DYNC2H1: variants seen among roughly 807,000 people sequenced by gnomAD.
DYNC2H1 encodes the protein cytoplasmic dynein 2 heavy chain 1.
Under a neutral mutation model 570.0 loss-of-function variants are expected in DYNC2H1, and 410 were observed. The observed-to-expected ratio is 0.72, with a 90% CI of 0.66 to 0.78. The LOEUF is 0.78. Among genes scored for constraint, DYNC2H1 ranks in the 30% least tolerant of loss-of-function variants. The pLI, the probability that DYNC2H1 is intolerant of heterozygous loss-of-function variation, is 0.00. For synonymous variants in DYNC2H1, 1,688 were observed against 1,677.6 expected (o/e 1.01, Z -0.15); for missense variants, 4,865 against 5,046.4 (o/e 0.96, Z 1.09).
At position 103,168,938 on chromosome 11, in the gene DYNC2H1, T is replaced by G; in HGVS notation, c.4946T>G (p.Phe1649Cys). The G allele has an allele frequency of 6.2e-7, 1 of 1,611,510 alleles. No individual in the cohort carries two copies. Residue 1649 changes from phenylalanine (F) to cysteine (C), a missense_variant, in exon 32 of 89, where the codon TTT (phenylalanine) becomes TGT (cysteine). Transcript: ENST00000375735. ...TGTGTTCAAATGGTGGATTCTGAAT[T>G]TCAGTATACTTATGAATATCAGGTA... ...TCCVQMVDSEFQYTYEYQGNA... is the reference protein window; with the variant it reads ...TCCVQMVDSECQYTYEYQGNA...
At chr11:103,463,401 T>C (rs570707510) in intron 87 of DYNC2H1, among the ~76,000 whole-genome samples, 21 of 152,280 alleles carry the variant, frequency 1.4e-4, no homozygotes, top group African/African-American at 4.3e-4. Flanking sequence ...TTGTTGCTGG[T>C]CGAATCCAGT....
At chr11:103,366,623 A>C (rs1355946361) in intron 83 of DYNC2H1, among the ~76,000 whole-genome samples, 1 of 152,152 alleles carries the variant, frequency 6.6e-6, no homozygotes, top group Non-Finnish European at 1.5e-5. Flanking sequence ...TGCTTTGTTT[A>C]AAATTCCAGA....
At chr11:103,301,377 CTT>C (rs1332041980) in intron 75 of DYNC2H1, among the ~76,000 whole-genome samples, 13 of 151,872 alleles carry the variant, frequency 8.6e-5, no homozygotes, top group Middle Eastern at 3.2e-3. Context: ...ATTTTTAAGA[CTT>C]TTGATACACT....
chr11:103,355,637 G>T (rs957204612), intron 82 of DYNC2H1, among the ~76,000 whole-genome samples: 1 of 152,070 alleles, frequency 6.6e-6, no homozygotes, highest in Non-Finnish European at 1.5e-5. Flanking sequence ...GTCTCTCACT[G>T]GTCTTTGAAA....
intron 70 of DYNC2H1, among the ~76,000 whole-genome samples, chr11:103,272,172 C>A (rs1865733854): frequency 6.6e-6 from 1 of 152,148 alleles, no homozygotes; most frequent in Non-Finnish European, 1.5e-5. Context: ...TGGAACCAAC[C>A]CAAATGTCCA....
chr11:103,463,591 A>G (rs192298377), intron 87 of DYNC2H1, among the ~76,000 whole-genome samples: 48 of 152,194 alleles, frequency 3.2e-4, no homozygotes, highest in Non-Finnish European at 6.0e-4. Context: ...TTCTACTACA[A>G]ATACAAAAAA....
chr11:103,155,424 A>G lies in DYNC2H1; in HGVS notation c.3667A>G (p.Thr1223Ala), dbSNP rs749561490. The change falls in exon 25 of 89, where the codon ACT becomes GCT. Residue 1223 changes from threonine to alanine, a missense_variant. Physicochemically the swap from Thr to Ala is moderately conservative, Grantham distance 58 (BLOSUM62 0). Coordinates refer to ENST00000375735, the MANE Select transcript of DYNC2H1 (RefSeq NM_001377.3). ...TCGTCTCCTTGGACTTCCTAGGGGG[A>G]CTAGTCTAGAGAAACTACTGTTTGG... The part of the protein sequence containing the change: ...LFRLLGLPRG[T>A]SLEKLLFGDL... The G allele has an allele frequency of 1.2e-6, 2 of 1,611,506 alleles. No individual in the cohort carries two copies. Among genetic ancestry groups the G allele is most frequent in the African/African-American group, 1.3e-5 (1 of 74,586 alleles).
intron 82 of DYNC2H1, among the ~76,000 whole-genome samples, chr11:103,349,037 T>C (rs1210325470): frequency 1.3e-5 from 2 of 152,178 alleles, no homozygotes; most frequent in African/African-American, 4.8e-5. Flanking sequence ...GTCAGTTAAA[T>C]CTCTTTCGTT....
chr11:103,184,932 G>C lies in DYNC2H1; in HGVS notation c.6514G>C (p.Val2172Leu), dbSNP rs1862006382. The C allele has an allele frequency of 6.2e-7, 1 of 1,611,102 alleles. No homozygotes were observed. ...GGTAGAAACAAGTTTGGTTGGGACT[G>C]TGATGAATGGTTTGTCACATCTACA... ...YVVETSLVGTVMNGLSHLHGC... is the reference protein window; with the variant it reads ...YVVETSLVGTLMNGLSHLHGC... The change falls in exon 41 of 89, where the codon GTG (valine) becomes CTG (leucine). Residue 2172 changes from valine (V) to leucine (L), a missense_variant. Physicochemically the swap from Val to Leu is conservative, Grantham distance 32 (BLOSUM62 1). Transcript: ENST00000375735.
intron 61 of DYNC2H1, among the ~76,000 whole-genome samples, chr11:103,235,407 A>C (rs900130288): frequency 6.6e-6 from 1 of 151,936 alleles, no homozygotes; most frequent in African/African-American, 2.4e-5. Context: ...GATTGGGATG[A>C]AAATTCTGCT....
At chr11:103,213,627 TA>T (rs11332000) in intron 54 of DYNC2H1, among the ~76,000 whole-genome samples, 130,632 of 150,002 alleles carry the variant, frequency 0.87, 57,353 homozygotes, top group Non-Finnish European at 0.92. Context: ...GTGTGTCTTT[TA>T]AAAAAAAAAA....
In DYNC2H1 at chr11:103,324,958, G is replaced by A. The variant is rs1184526857; in HGVS notation, c.12039+968G>A. ...TGGTTTTGATTTGCATTTCTCTAAT[G>A]ATCACAATGTCAAATATTTTTTCAT... On this transcript the variant is annotated intron_variant, in intron 82 of 88. Coordinates refer to ENST00000375735, the MANE Select transcript of DYNC2H1 (RefSeq NM_001377.3). This position sits in a 1 kb window ranked among gnomAD's most constrained non-coding sequence, Gnocchi z 5.2. 6.6e-6 allele frequency among the ~76,000 whole-genome samples: 1 copy of A among 152,102 alleles called. No individual in the cohort carries two copies. Among genetic ancestry groups the A allele is most frequent in the Non-Finnish European group, 1.5e-5 (1 of 68,010 alleles).
intron 83 of DYNC2H1, among the ~76,000 whole-genome samples, chr11:103,397,403 C>T (rs149502872): frequency 0.01 from 1,531 of 152,166 alleles, 29 homozygotes; most frequent in African/African-American, 0.035. Context: ...TTGTAACATA[C>T]TCATTTTGTG....
intron 82 of DYNC2H1, among the ~76,000 whole-genome samples, chr11:103,330,000 T>A (rs2135457982): frequency 6.6e-6 from 1 of 152,334 alleles, no homozygotes; most frequent in South Asian, 2.1e-4. Context: ...CCTGAAGTAT[T>A]TGTATTGATC....
At chr11:103,336,287 T>C (rs903049279) in intron 82 of DYNC2H1, among the ~76,000 whole-genome samples, 4 of 152,196 alleles carry the variant, frequency 2.6e-5, no homozygotes, top group Non-Finnish European at 5.9e-5. Flanking sequence ...CTTTTTTGCA[T>C]TGAGAACATT....
chr11:103,131,444 T>G (rs1859262729), intron 13 of DYNC2H1, among the ~76,000 whole-genome samples: 1 of 152,110 alleles, frequency 6.6e-6, no homozygotes, highest in African/African-American at 2.4e-5. Flanking sequence ...CCCACCACCA[T>G]GCCCAGCTAA....
intron 84 of DYNC2H1, chr11:103,401,989 A>G (rs1477964855): frequency 6.6e-6 from 1 of 152,168 alleles, no homozygotes; most frequent in Non-Finnish European, 1.5e-5. Flanking sequence ...GTAACCCATC[A>G]GAGACAGTGA....
chr11:103,308,233 A>G (rs192573037), intron 78 of DYNC2H1, among the ~76,000 whole-genome samples: 9 of 152,294 alleles, frequency 5.9e-5, no homozygotes, highest in Admixed American at 3.3e-4. Flanking sequence ...TAAGAGTTTG[A>G]CTGCTTTAGC....
intron 87 of DYNC2H1, among the ~76,000 whole-genome samples, chr11:103,460,691 GTATATTTTTATATATACAATGAATA>G (rs1470798582): frequency 1.9e-4 from 29 of 149,420 alleles, no homozygotes; most frequent in Admixed American, 5.4e-4. Context: ...TATAATGAAT[GTATATTTTTATATATACAATGAATA>G]TATATTTTCA....
Sources: allele counts gnomAD v4.1 joint callset (sites outside exome capture counted in the v4.1 genomes callset), GRCh38; gene constraint gnomAD v4.1.1; non-coding constraint Gnocchi (gnomAD v3.1); transcripts MANE v1.5; gene names NCBI Gene and HGNC (gene_info 2026-07-23, HGNC 2026-07-21).